Variants in COL27A1 observed in about 807,000 individuals in gnomAD.
COL27A1 encodes the protein collagen alpha-1(XXVII) chain.
In COL27A1, 106 loss-of-function variants were observed where a neutral mutation model predicts 251.3. The observed-to-expected ratio is 0.42, with a 90% CI of 0.36 to 0.50. COL27A1 has a LOEUF of 0.50. Among genes scored for constraint, COL27A1 ranks in the 20% least tolerant of loss-of-function variants. The probability of loss-of-function intolerance (pLI) is 0.00; values close to 1 mark genes in which losing one functional copy is unlikely to be tolerated. For synonymous variants in COL27A1, 1,000 were observed against 986.3 expected, an observed-to-expected ratio of 1.01 and a Z score of -0.26; for missense variants, 2,325 against 2,522.8, an observed-to-expected ratio of 0.92 and a Z score of 1.68.
chr9:114,164,737 A>G (rs541202050), intron 2 of COL27A1, among the ~76,000 whole-genome samples: 5 of 152,350 alleles, frequency 3.3e-5, no homozygotes, highest in African/African-American at 1.2e-4. Context: ...ATAGTATTTC[A>G]TGATAATAAG....
chr9:114,199,395 A>G (rs566681641), intron 7 of COL27A1, among the ~76,000 whole-genome samples: 1 of 152,212 alleles, frequency 6.6e-6, no homozygotes, highest in South Asian at 2.1e-4. Flanking sequence ...ACCTTGCTGT[A>G]TAGAAACCCT....
chr9:114,195,951 T>C lies in COL27A1; in HGVS notation c.2071-8T>C. 6.2e-7 allele frequency: 1 copy of C among 1,610,812 alleles called. No homozygotes were observed. Among genetic ancestry groups the C allele is most frequent in the Non-Finnish European group, 8.5e-7 (1 of 1,176,910 alleles). ...TCCTGCCTCACCCACCTTGTCTGTG[T>C]CTTCCAGGGTGACATGGGCTTGCCT... On this transcript the variant is annotated splice_polypyrimidine_tract_variant and splice_region_variant and intron_variant, in intron 6 of 60. Coordinates refer to ENST00000356083, the MANE Select transcript of COL27A1 (RefSeq NM_032888.4).
In COL27A1 at chr9:114,168,930, C is replaced by G; in HGVS notation, c.1375C>G (p.Arg459Gly). ...TAAAAAACCCATTCCCACACTAGCT[C>G]GGACTGAGGCCAAGATAACCAGCCA... ...SSKKPIPTLARTEAKITSHAS... is the reference protein window; with the variant it reads ...SSKKPIPTLAGTEAKITSHAS... Residue 459 changes from arginine (R) to glycine (G), a missense_variant, in exon 3 of 61, where the codon CGG becomes GGG. Coordinates refer to ENST00000356083, the MANE Select transcript of COL27A1 (RefSeq NM_032888.4). The G allele has an allele frequency of 6.2e-7, 1 of 1,614,114 alleles. No homozygotes were observed. The highest frequency in any genetic ancestry group is 8.5e-7 in the Non-Finnish European group (1 of 1,180,016).
chr9:114,296,495 C>T (rs1186082517), intron 49 of COL27A1, among the ~76,000 whole-genome samples: 1 of 152,164 alleles, frequency 6.6e-6, no homozygotes, highest in Non-Finnish European at 1.5e-5. Context: ...ATTCAAACCA[C>T]AATAAGATGC....
chr9:114,269,634 A>AAAAAAAAAAAG (rs796293254), intron 35 of COL27A1, among the ~76,000 whole-genome samples: 2 of 114,390 alleles, frequency 1.7e-5, no homozygotes, highest in African/African-American at 4.3e-5. Context: ...AAAAAAAAAA[A>AAAAAAAAAAAG]AAGAAGAAGA....
In COL27A1 at chr9:114,293,206, C is replaced by A. The variant is rs1468926909; in HGVS notation, c.4584+996C>A. ...CACTATTTTGAGCCTTAAAATCAAT[C>A]AATAAATTAAATTATAAATCAATAA... On this transcript the variant is annotated intron_variant, in intron 49 of 60. Transcript: ENST00000356083. Among the ~76,000 whole-genome samples the A allele has an allele frequency of 2.6e-5, 4 of 152,214 alleles. No individual in the cohort carries two copies. The East Asian group carries it at 7.7e-4, about 29-fold the overall frequency.
At chr9:114,224,970 G>A (rs1011329288) in intron 14 of COL27A1, among the ~76,000 whole-genome samples, 2 of 152,084 alleles carry the variant, frequency 1.3e-5, no homozygotes, top group Middle Eastern at 3.4e-3. Flanking sequence ...TGTGCTCTCC[G>A]CTGCACTCCA....
At position 114,216,496 on chromosome 9, in the gene COL27A1, C is replaced by T. The variant is rs546250725; in HGVS notation, c.2368-3295C>T. On this transcript the variant is annotated intron_variant, in intron 12 of 60. Coordinates refer to ENST00000356083, the MANE Select transcript of COL27A1 (RefSeq NM_032888.4). ...GACCCAGGGAGCTCTGGGGTGACTG[C>T]TGGAAATGGCTCTGCCACTTAGTAG... Among the ~76,000 whole-genome samples the T allele has an allele frequency of 5.3e-5, 8 of 152,314 alleles. No homozygotes were observed. The South Asian group carries it at 1.2e-3, about 24-fold the overall frequency.
intron 7 of COL27A1, among the ~76,000 whole-genome samples, chr9:114,201,038 G>C (rs989611829): frequency 6.6e-6 from 1 of 152,236 alleles, no homozygotes; most frequent in Admixed American, 6.5e-5. Flanking sequence ...GCCAGACGGG[G>C]AGACGGTTTG....
chr9:114,258,622 G>T, intron 28 of COL27A1, 28 bp downstream of exon 28: 1 of 1,610,870 alleles, frequency 6.2e-7, no homozygotes, highest in Non-Finnish European at 8.5e-7. Flanking sequence ...CCTGGGGGCT[G>T]ATGCTGGTGG....
At chr9:114,224,664 T>TC in intron 14 of COL27A1, among the ~76,000 whole-genome samples, 1 of 147,594 alleles carries the variant, frequency 6.8e-6, no homozygotes, top group African/African-American at 2.5e-5. Context: ...TTTTTTTTTT[T>TC]TTTTTTGAGA....
chr9:114,201,916 G>C (rs1829606723), intron 7 of COL27A1, among the ~76,000 whole-genome samples: 1 of 152,170 alleles, frequency 6.6e-6, no homozygotes, highest in Admixed American at 6.5e-5. Flanking sequence ...TAAGGATGCG[G>C]GATTGGAGTC....
chr9:114,155,986 A>AGCGGGG lies in COL27A1; in HGVS notation c.40_41insGGGCGG (p.Ala13_Ala14insGlyAla). ...GATCGGCGCGGGGGGCCCGAGGCAC[A>AGCGGGG]GCGGCGGCGGCGGCGGCGCGCGGGG... On this transcript the variant is annotated inframe_insertion, in exon 1 of 61. Coordinates refer to ENST00000356083, the MANE Select transcript of COL27A1 (RefSeq NM_032888.4). This position sits in a 1 kb window ranked among gnomAD's most constrained non-coding sequence, Gnocchi z 5.5. 1 of 1,290,830 alleles carries AGCGGGG rather than the reference A, an allele frequency of 7.7e-7. No individual in the cohort carries two copies. Among genetic ancestry groups the AGCGGGG allele is most frequent in the Non-Finnish European group, 9.8e-7 (1 of 1,016,518 alleles). 80.0% of individuals were successfully genotyped at this position (1,290,830 alleles called of 1,614,324 possible). A position where few individuals can be genotyped will look rare whatever the true frequency, so the allele number is the denominator to read the frequency against.
At chr9:114,246,239 C>T (rs932120206) in intron 24 of COL27A1, 2 of 252,808 alleles carry the variant, frequency 7.9e-6, no homozygotes, top group African/African-American at 4.6e-5. Context: ...GCAGTCGTTG[C>T]TCGTGTTCCC....
chr9:114,251,869 C>T (rs989651926), intron 25 of COL27A1, among the ~76,000 whole-genome samples: 7 of 152,258 alleles, frequency 4.6e-5, no homozygotes, highest in African/African-American at 1.4e-4. Flanking sequence ...CCATGACCCC[C>T]ACCCTCACTG....
intron 7 of COL27A1, among the ~76,000 whole-genome samples, chr9:114,198,270 G>C (rs1829300911): frequency 6.6e-6 from 1 of 152,204 alleles, no homozygotes; most frequent in South Asian, 2.1e-4. Flanking sequence ...CTGCCCCACA[G>C]GGCCTGCATC....
At position 114,165,286 on chromosome 9, in the gene COL27A1, A is replaced by G. The variant is rs181913696; in HGVS notation, c.134-2403A>G. ...ATTTCCCCCAGGGAACTGTCCTTCT[A>G]TCCATTCATCCACCCATTCATCTGC... is the stretch of plus-strand genomic sequence containing the variant. On this transcript the variant is annotated intron_variant, in intron 2 of 60. Transcript: ENST00000356083. Among the ~76,000 whole-genome samples the G allele has an allele frequency of 5.9e-5, 9 of 152,208 alleles. No individual in the cohort carries two copies. The East Asian group carries it at 1.7e-3, about 29-fold the overall frequency.
intron 37 of COL27A1, among the ~76,000 whole-genome samples, chr9:114,280,596 T>A (rs1443052812): frequency 6.6e-6 from 1 of 152,258 alleles, no homozygotes; most frequent in African/African-American, 2.4e-5. Context: ...GGTAGCTGTA[T>A]GTGGCTGGAG....
At chr9:114,175,795 G>A (rs1378704321) in intron 3 of COL27A1, among the ~76,000 whole-genome samples, 1 of 152,204 alleles carries the variant, frequency 6.6e-6, no homozygotes, top group Non-Finnish European at 1.5e-5. Context: ...GTTCCTCCCC[G>A]GAGTCCTGGA....
Sources: gnomAD v4.1 joint callset for allele counts (sites outside exome capture counted in the v4.1 genomes callset) on GRCh38, gnomAD v4.1.1 for gene constraint, Gnocchi (gnomAD v3.1) non-coding constraint, MANE v1.5 for transcripts, NCBI Gene and HGNC (gene_info 2026-07-23, HGNC 2026-07-21) for gene names.